The following EBF3 variants were observed in gnomAD, a reference collection of about 807,000 sequenced individuals.
EBF3 encodes the protein EBF transcription factor 3.
EBF3 carries 18 observed loss-of-function variants against 77.1 expected under a neutral mutation model. The ratio of observed to expected loss-of-function variants is 0.23; its 90% confidence interval spans 0.16 to 0.35. The LOEUF is 0.35. Ranked by LOEUF, EBF3 falls within the 10% of genes least tolerant of loss-of-function variation. The pLI, the probability that EBF3 is intolerant of heterozygous loss-of-function variation, is 1.00. For missense variants in EBF3, 558 were observed against 860.0 expected (o/e 0.65, Z 4.39); for synonymous variants, 350 against 343.5 (o/e 1.02, Z -0.21).
Position 129,877,762 on chromosome 10 carries a change from G to T in EBF3, c.636+6C>A. ...CACGGTCCACGTGTCTTTGAGAAAT[G>T]TATACCTGGAATCTCCGCATATCTC... On this transcript the variant is annotated splice_donor_region_variant and intron_variant, in intron 7 of 16. Coordinates refer to ENST00000440978, the MANE Select transcript of EBF3 (RefSeq NM_001375380.1). The T allele has an allele frequency of 6.2e-7, 1 of 1,611,936 alleles. No homozygotes were observed. The highest frequency in any genetic ancestry group is 8.5e-7 in the Non-Finnish European group (1 of 1,178,966).
intron 6 of EBF3, among the ~76,000 whole-genome samples, chr10:129,923,947 G>A (rs1029972641): frequency 3.3e-5 from 5 of 152,118 alleles, no homozygotes; most frequent in Admixed American, 1.3e-4. Context: ...CAACACCAAC[G>A]AAATGATTCA....
chr10:129,918,634 G>A (rs994629003), intron 6 of EBF3, among the ~76,000 whole-genome samples: 5 of 152,172 alleles, frequency 3.3e-5, no homozygotes, highest in Admixed American at 1.3e-4. Flanking sequence ...TCAGGGCCCT[G>A]CCCTACCCCC....
At chr10:129,880,293 C>T (rs1853100583) in intron 6 of EBF3, among the ~76,000 whole-genome samples, 1 of 152,092 alleles carries the variant, frequency 6.6e-6, no homozygotes. Flanking sequence ...CACACATACA[C>T]ACATGCCACC....
chr10:129,874,353 G>C (rs1852609887), intron 7 of EBF3, among the ~76,000 whole-genome samples: 1 of 152,136 alleles, frequency 6.6e-6, no homozygotes, highest in Admixed American at 6.6e-5. Context: ...GCCCTCTTAA[G>C]CCCTCAGCTG....
At chr10:129,856,689 G>A (rs1481429162) in intron 10 of EBF3, among the ~76,000 whole-genome samples, 1 of 152,206 alleles carries the variant, frequency 6.6e-6, no homozygotes, top group African/African-American at 2.4e-5. Flanking sequence ...CCAAGGGAAG[G>A]AGGAATGGGG....
chr10:129,923,431 TAAAG>T (rs1856446628), intron 6 of EBF3, among the ~76,000 whole-genome samples: 1 of 152,174 alleles, frequency 6.6e-6, no homozygotes. Context: ...GGTGCTGGCA[TAAAG>T]ACAGACATAC....
rs1170947696 is a variant in EBF3, at chr10:129,837,778, TAAAATCTTTAAAC to T, written c.*152_*164del. On this transcript the variant is annotated 3_prime_UTR_variant, in exon 17 of 17. Coordinates refer to ENST00000440978, the MANE Select transcript of EBF3 (RefSeq NM_001375380.1). ...GCATGTTGATTCTTAATAGTTTAAA[TAAAATCTTTAAAC>T]AAAGTCTTTTGTAGCATTTCAATTG... 4.7e-6 allele frequency: 4 copies of T among 853,282 alleles called. No homozygotes were observed. In the East Asian group the frequency reaches 1.1e-4, roughly 23 times the overall value. The allele number at this position is 853,282 out of a possible 1,614,324, so 52.9% of individuals were successfully genotyped here.
intron 14 of EBF3, 85 bp from the exon 15 acceptor site, chr10:129,840,527 G>A (rs1849955756): frequency 1.9e-5 from 27 of 1,433,082 alleles, no homozygotes; most frequent in South Asian, 2.6e-5. Context: ...CCTCGGACGG[G>A]GGGGCAGGGG....
At chr10:129,865,823 T>G (rs1589739799) in intron 10 of EBF3, among the ~76,000 whole-genome samples, 1 of 152,230 alleles carries the variant, frequency 6.6e-6, no homozygotes, top group African/African-American at 2.4e-5. Flanking sequence ...TCACCCGCTC[T>G]CTGGACAGAG....
chr10:129,883,542 A>C (rs922960372), intron 6 of EBF3, among the ~76,000 whole-genome samples: 18 of 152,192 alleles, frequency 1.2e-4, no homozygotes, highest in Admixed American at 9.2e-4. Context: ...CAGGCCATCC[A>C]TCAAAAACCC....
intron 10 of EBF3, among the ~76,000 whole-genome samples, chr10:129,856,653 A>C (rs922331933): frequency 2.6e-5 from 4 of 152,210 alleles, no homozygotes; most frequent in Admixed American, 2.0e-4. Context: ...TCTGGGGACC[A>C]GGACAGATCC....
At chr10:129,951,294 A>G (rs1858658313) in intron 6 of EBF3, among the ~76,000 whole-genome samples, 1 of 152,238 alleles carries the variant, frequency 6.6e-6, no homozygotes, top group African/African-American at 2.4e-5. Context: ...CACCCATGCC[A>G]TCCTAACACA....
chr10:129,857,087 C>T lies in EBF3; in HGVS notation c.1040-8607G>A, dbSNP rs184419791. 2.0e-5 allele frequency among the ~76,000 whole-genome samples: 3 copies of T among 152,278 alleles called. No homozygotes were observed. The East Asian group carries it at 5.8e-4, about 29-fold the overall frequency. ...ATTCAGGGAGCATAACTCTGTTTCC[C>T]AACATTATTACCCTTTTCAATCTCC... On this transcript the variant is annotated intron_variant, in intron 10 of 16. Coordinates refer to ENST00000440978, the MANE Select transcript of EBF3 (RefSeq NM_001375380.1).
intron 6 of EBF3, among the ~76,000 whole-genome samples, chr10:129,921,038 T>G (rs1856261629): frequency 6.6e-6 from 1 of 152,188 alleles, no homozygotes; most frequent in Non-Finnish European, 1.5e-5. Context: ...TTGTGATCTC[T>G]GGGCAGGACC....
chr10:129,935,007 T>TTA lies in EBF3; in HGVS notation c.554+22250_554+22251insTA, dbSNP rs1857260154. 6.6e-6 allele frequency among the ~76,000 whole-genome samples: 1 copy of TTA among 152,170 alleles called. No homozygotes were observed. The highest frequency in any genetic ancestry group is 1.5e-5 in the Non-Finnish European group (1 of 68,026). Reference sequence around the variant, plus strand: ...GCCTACTGTGTACCTGGTGGTGATCTAACTAGATCAATAACAAGTAATGTT... The same window carrying TTA: ...GCCTACTGTGTACCTGGTGGTGATCTTAAACTAGATCAATAACAAGTAATGTT... On this transcript the variant is annotated intron_variant, in intron 6 of 16. Transcript: ENST00000440978. This position sits in a 1 kb window ranked among gnomAD's most constrained non-coding sequence, Gnocchi z 4.2.
chr10:129,942,372 G>C (rs146572943), intron 6 of EBF3, among the ~76,000 whole-genome samples: 62 of 152,234 alleles, frequency 4.1e-4, no homozygotes, highest in African/African-American at 1.4e-3. Context: ...AAACAAGAAG[G>C]GTGCTGAATA....
intron 10 of EBF3, among the ~76,000 whole-genome samples, chr10:129,859,387 A>G (rs1401073753): frequency 2.0e-5 from 3 of 151,924 alleles, no homozygotes; most frequent in African/African-American, 7.3e-5. Flanking sequence ...ACACCTGGCT[A>G]ATTTTTTTTG....
At chr10:129,927,958 T>C (rs1298043581) in intron 6 of EBF3, among the ~76,000 whole-genome samples, 2 of 152,298 alleles carry the variant, frequency 1.3e-5, no homozygotes, top group South Asian at 2.1e-4. Context: ...GTGGAGAGCT[T>C]GAGATTCCCA....
chr10:129,841,212 C>T lies in EBF3; in HGVS notation c.1373-180G>A, dbSNP rs1054161621. ...ATCACGCCAACCCTGCTGCCACTGT[C>T]TCACCGTGAGCCCCATCCTGTCTCT... is the stretch of plus-strand genomic sequence containing the variant. On this transcript the variant is annotated intron_variant, in intron 13 of 16. Coordinates refer to ENST00000440978, the MANE Select transcript of EBF3 (RefSeq NM_001375380.1). This position sits in a 1 kb window ranked among gnomAD's most constrained non-coding sequence, Gnocchi z 4.6. Among the ~76,000 whole-genome samples, 2 of 152,212 alleles carry T rather than the reference C, an allele frequency of 1.3e-5. No individual in the cohort carries two copies. The highest frequency in any genetic ancestry group is 2.9e-5 in the Non-Finnish European group (2 of 68,036).
Sources: gnomAD v4.1 joint callset for allele counts (sites outside exome capture counted in the v4.1 genomes callset) on GRCh38, gnomAD v4.1.1 for gene constraint, Gnocchi (gnomAD v3.1) non-coding constraint, MANE v1.5 for transcripts, NCBI Gene and HGNC (gene_info 2026-07-23, HGNC 2026-07-21) for gene names.